The following BRD8 variants were observed in gnomAD, a reference collection of about 807,000 sequenced individuals.
BRD8 encodes bromodomain containing 8, also known as bromodomain-containing protein 8.
In BRD8, 67 loss-of-function variants were observed where a neutral mutation model predicts 143.1. That is an observed-to-expected ratio of 0.47 (90% CI 0.38 to 0.57). The LOEUF (loss-of-function observed/expected upper bound fraction) is 0.57. Ranked by LOEUF, BRD8 falls within the 20% of genes least tolerant of loss-of-function variation. BRD8 has a pLI of 0.00. For synonymous variants in BRD8, 505 were observed against 517.1 expected (o/e 0.98, Z 0.32); for missense variants, 1,103 against 1,503.0 (o/e 0.73, Z 4.40).
intron 2 of BRD8, among the ~76,000 whole-genome samples, chr5:138,173,254 C>T (rs1754036487): frequency 6.6e-6 from 1 of 151,820 alleles, no homozygotes; most frequent in Non-Finnish European, 1.5e-5. Context: ...AAAAATTAGC[C>T]AGGCATGGTG....
At chr5:138,142,539 C>T (rs972108034) in intron 25 of BRD8, among the ~76,000 whole-genome samples, 2 of 150,646 alleles carry the variant, frequency 1.3e-5, no homozygotes, top group Non-Finnish European at 3.0e-5. Context: ...CCGAGGCAGG[C>T]GGATCACGAG....
rs370208250 is a variant in BRD8, at chr5:138,164,246, A to G, written c.1825+74T>C. ...CATGCTGACCTGTTCTACCTCCTCT[A>G]CTTGCCCACAACCCACAACCCCTCA... On this transcript the variant is annotated intron_variant, in intron 13 of 26. Coordinates refer to ENST00000254900, the MANE Select transcript of BRD8 (RefSeq NM_139199.2). 107 of 1,575,860 alleles carry G rather than the reference A, an allele frequency of 6.8e-5. 1 individual carries two copies. In the South Asian group the frequency reaches 1.1e-3, roughly 16 times the overall value.
chr5:138,168,174 C>T lies in BRD8; in HGVS notation c.643-96G>A, dbSNP rs1753595971. The stretch of plus-strand genomic sequence containing the variant: ...AGCAGTTGATCAAACTTCATGAAAA[C>T]TAATAGCTAATATCCACAGAGAATA... On this transcript the variant is annotated intron_variant, in intron 8 of 26. Coordinates refer to ENST00000254900, the MANE Select transcript of BRD8 (RefSeq NM_139199.2). 5 of 821,250 alleles carry T rather than the reference C, an allele frequency of 6.1e-6. No homozygotes were observed. The South Asian group carries it at 6.5e-5, about 11-fold the overall frequency. The allele number at this position is 821,250 out of a possible 1,614,324, so 50.9% of individuals were successfully genotyped here. A position where few individuals can be genotyped will look rare whatever the true frequency, so the allele number is the denominator to read the frequency against.
At chr5:138,156,760 CT>C in intron 20 of BRD8, 1 of 887,512 alleles carries the variant, frequency 1.1e-6, no homozygotes, top group Non-Finnish European at 1.3e-6. Context: ...GTTCATAAGA[CT>C]TTTCCCCTGT....
rs777693252 is a variant in BRD8 at position 138,145,178 on chromosome 5, T to G, written c.3436A>C (p.Arg1146=). The G allele has an allele frequency of 8.7e-6, 14 of 1,612,716 alleles. No individual in the cohort carries two copies. Among genetic ancestry groups the G allele is most frequent in the Non-Finnish European group, 1.2e-5 (14 of 1,179,544 alleles). ...TTTCTTGACCCCTTTTTCACTGACC[T>G]TTTCACCACATCCTTGTACCCTGGG... The part of the protein sequence containing the change: ...QAPGYKDVVK[R]PMDLTSLKRN... Residue 1146 remains arginine (R), a splice_region_variant and synonymous_variant, in exon 25 of 27, where the codon AGA becomes CGA. Coordinates refer to ENST00000254900, the MANE Select transcript of BRD8 (RefSeq NM_139199.2).
chr5:138,174,251 T>C (rs966106661), intron 2 of BRD8, among the ~76,000 whole-genome samples: 9 of 152,046 alleles, frequency 5.9e-5, no homozygotes, highest in African/African-American at 1.9e-4. Context: ...TAATTGTGGA[T>C]AGTTTCACAA....
At chr5:138,178,549 C>T in intron 1 of BRD8, 47 bp downstream of exon 1, 1 of 1,575,808 alleles carries the variant, frequency 6.3e-7, no homozygotes, top group Middle Eastern at 1.7e-4. Flanking sequence ...GGTGCCTAGC[C>T]TCGGATCTAC....
chr5:138,152,639 T>G lies in BRD8; in HGVS notation c.2699A>C (p.Asn900Thr). The G allele has an allele frequency of 6.2e-7, 1 of 1,614,178 alleles. No homozygotes were observed. Among genetic ancestry groups the G allele is most frequent in the Non-Finnish European group, 8.5e-7 (1 of 1,180,034 alleles). ...CTCTGGATCCTCAGTTTCCCTCCAG[T>G]TGCCCACATCAAGATCCAGACTGGA... is the stretch of plus-strand genomic sequence containing the variant. ...WDSSLDLDVG[N>T]WRETEDPEAE... Residue 900 changes from asparagine (N) to threonine (T), a missense_variant, in exon 21 of 27, where the codon AAC becomes ACC. This residue lies in a region of BRD8 where 369 missense variants were observed against 445.5 expected (regional missense o/e 0.83). Transcript: ENST00000254900.
chr5:138,168,568 G>T (rs1197298185), intron 8 of BRD8: 1 of 1,609,350 alleles, frequency 6.2e-7, no homozygotes, highest in South Asian at 1.1e-5. Flanking sequence ...ATCTTTTTCT[G>T]GGGTGAATCA....
At chr5:138,160,867 A>T in intron 18 of BRD8, 24 bp downstream of exon 18, 1 of 1,536,650 alleles carries the variant, frequency 6.5e-7, no homozygotes, top group Non-Finnish European at 8.8e-7. Flanking sequence ...ATCCTTGCTG[A>T]AACACAAAGG....
At chr5:138,155,733 C>T (rs1456674875) in intron 20 of BRD8, among the ~76,000 whole-genome samples, 2 of 151,856 alleles carry the variant, frequency 1.3e-5, no homozygotes, top group African/African-American at 4.8e-5. Flanking sequence ...TGCTATGTTG[C>T]CTAGACTGGT....
In BRD8 at chr5:138,149,641, G is replaced by A; in HGVS notation, c.3277C>T (p.Leu1093=). 6.2e-7 allele frequency: 1 copy of A among 1,603,180 alleles called. No individual in the cohort carries two copies. ...ACTTGGATGAAAGTCTACGCTTACA[G>A]CTTTGAGGAGGTAGCATGGCTGAAA... ...TLFSHATSSK[L]TDLSQDDPVQ... Residue 1093 remains leucine (L), a splice_region_variant and synonymous_variant, in exon 23 of 27, where the codon CTG becomes TTG. Coordinates refer to ENST00000254900, the MANE Select transcript of BRD8 (RefSeq NM_139199.2).
chr5:138,162,270 T>C, intron 15 of BRD8, 124 bp from the exon 16 acceptor site: 1 of 702,952 alleles, frequency 1.4e-6, no homozygotes, highest in Non-Finnish European at 2.3e-6. Context: ...CATGATCATG[T>C]TCATTGCACC....
chr5:138,154,372 C>A (rs138453351), intron 20 of BRD8, among the ~76,000 whole-genome samples: 2 of 152,164 alleles, frequency 1.3e-5, no homozygotes, highest in African/African-American at 4.8e-5. Flanking sequence ...ACCTTCCATT[C>A]GGTTTGCTAG....
At position 138,171,172 on chromosome 5, in the gene BRD8, TG is replaced by T; in HGVS notation, c.237-13del. 6.3e-7 allele frequency: 1 copy of T among 1,591,448 alleles called. No homozygotes were observed. The highest frequency in any genetic ancestry group is 8.5e-7 in the Non-Finnish European group (1 of 1,172,182). On this transcript the variant is annotated splice_polypyrimidine_tract_variant and intron_variant, in intron 4 of 26. Transcript: ENST00000254900. ...CACCTCGTTTCCGTCTGTGGAAAATTGAAAAAAAAAAATTCATATTCAAATA... is the reference window on the plus strand; with the variant it reads ...CACCTCGTTTCCGTCTGTGGAAAATTAAAAAAAAAAATTCATATTCAAATA...
chr5:138,143,926 G>A (rs1213691848), intron 25 of BRD8, among the ~76,000 whole-genome samples: 1 of 152,206 alleles, frequency 6.6e-6, no homozygotes, highest in African/African-American at 2.4e-5. Context: ...CCTCAAGGCA[G>A]CAGTGGCAAC....
rs1346121246 is a variant in BRD8 at position 138,171,076 on chromosome 5, T to C, written c.321A>G (p.Glu107=). 3.1e-6 allele frequency: 5 copies of C among 1,614,114 alleles called. No individual in the cohort carries two copies. Among genetic ancestry groups the C allele is most frequent in the Non-Finnish European group, 4.2e-6 (5 of 1,180,010 alleles). ...VRKLTAERVE[E]LKKVIKETQE... is the part of the protein sequence containing the mutation. ...GGGTTTCCTTTATCACTTTCTTTAG[T>C]TCTTCAACTCGCTCAGCAGTCAATT... The change falls in exon 5 of 27, where the codon GAA becomes GAG. Residue 107 remains glutamate, a synonymous_variant. Transcript: ENST00000254900.
In BRD8 at chr5:138,175,058, G is replaced by T. The variant is rs942575635; in HGVS notation, c.116+2513C>A. 8.6e-5 allele frequency among the ~76,000 whole-genome samples: 13 copies of T among 152,030 alleles called. 1 individual carries two copies. Among genetic ancestry groups the T allele is most frequent in the Non-Finnish European group, 1.5e-4 (10 of 67,992 alleles). ...GCGCACGCCGCCACACCTGATTTTT[G>T]TATTTTTAGTAGAGACGGGGTTTCA... On this transcript the variant is annotated intron_variant, in intron 2 of 26. Transcript: ENST00000254900.
chr5:138,145,285 G>C, intron 24 of BRD8, 40 bp from the exon 25 acceptor site: 3 of 1,590,072 alleles, frequency 1.9e-6, no homozygotes, highest in Non-Finnish European at 2.6e-6. Context: ...AGAAACCCTG[G>C]CAAGGCACTC....
Sources: gnomAD v4.1 joint callset for allele counts (sites outside exome capture counted in the v4.1 genomes callset) on GRCh38, gnomAD v4.1.1 for gene constraint, gnomAD v4.1.1 regional missense constraint, MANE v1.5 for transcripts, NCBI Gene and HGNC (gene_info 2026-07-23, HGNC 2026-07-21) for gene names.